The following PCARE variants were observed in gnomAD, a reference collection of about 807,000 sequenced individuals.
PCARE encodes photoreceptor cilium actin regulator, also known as uncharacterized protein C2orf71.
A neutral mutation model predicts 82.2 loss-of-function variants in PCARE; 72 were observed. The observed-to-expected ratio is 0.88, with a 90% CI of 0.72 to 1.07. The LOEUF is 1.07. PCARE is among the 50% of genes least tolerant of loss of function. The pLI is 0.00. For missense variants in PCARE, 1,768 were observed against 1,592.4 expected, an observed-to-expected ratio of 1.11 and a Z score of -1.88; for synonymous variants, 705 against 634.8, an observed-to-expected ratio of 1.11 and a Z score of -1.66.
At position 29,074,232 on chromosome 2, in the gene PCARE, A is replaced by C. The variant is rs1297052773; in HGVS notation, c.30T>G (p.Leu10=). The stretch of plus-strand genomic sequence containing the variant: ...TGCCACTCTTTGCAACGCTGTTTAC[A>C]AGGTCACTGTGTGAAGGTGTACACC... MGCTPSHSD[L]VNSVAKSGIQ... The change falls in exon 1 of 2, where the codon CTT becomes CTG. Residue 10 remains leucine (L), a synonymous_variant. Transcript: ENST00000331664. 4.5e-6 allele frequency: 7 copies of C among 1,572,658 alleles called. No individual in the cohort carries two copies. The Admixed American group carries it at 1.1e-4, about 24-fold the overall frequency.
Position 29,072,071 on chromosome 2 carries a change from C to G in PCARE, c.2191G>C (p.Val731Leu). 6.2e-7 allele frequency: 1 copy of G among 1,614,218 alleles called. No homozygotes were observed. The highest frequency in any genetic ancestry group is 8.5e-7 in the Non-Finnish European group (1 of 1,180,046). The change falls in exon 1 of 2, where the codon GTC becomes CTC. Residue 731 changes from valine (V) to leucine (L), a missense_variant. Physicochemically the swap from Val to Leu is conservative, Grantham distance 32 (BLOSUM62 1). Transcript: ENST00000331664. ...CTGAAAGTTTCAATAAGCTTCTTGA[C>G]GGATGTTCTGGTGGGACAGCCTCTG... ...NVRGCPTRTSVKKLIETFSPT... is the reference protein window; with the variant it reads ...NVRGCPTRTSLKKLIETFSPT...
At position 29,073,204 on chromosome 2, in the gene PCARE, C is replaced by T; in HGVS notation, c.1058G>A (p.Gly353Asp). The change falls in exon 1 of 2, where the codon GGT (glycine) becomes GAT (aspartate). Residue 353 changes from glycine (G) to aspartate (D), a missense_variant. By Grantham distance (94) the Gly-to-Asp change is moderately conservative (BLOSUM62 -1). Coordinates refer to ENST00000331664, the MANE Select transcript of PCARE (RefSeq NM_001029883.3). ...CGACTGCACGGACTCATTGTCAGCACCAATGCCACTGTCCTCAGAGCATAA... is the reference window on the plus strand; with the variant it reads ...CGACTGCACGGACTCATTGTCAGCATCAATGCCACTGTCCTCAGAGCATAA... Reference protein sequence around the residue: ...LPLCSEDSGIGADNESVQSVD... With the variant: ...LPLCSEDSGIDADNESVQSVD... 1.2e-6 allele frequency: 2 copies of T among 1,614,174 alleles called. No homozygotes were observed. The highest frequency in any genetic ancestry group is 1.7e-6 in the Non-Finnish European group (2 of 1,180,026).
rs774201352 is a variant in PCARE, at chr2:29,071,116, G to A, written c.3146C>T (p.Ser1049Phe). ...GGGCAACTTGGGCTGGTGCGGTGGGGAAGTTCGCCGCTTTGTGGTGGGTGG... is the reference window on the plus strand; with the variant it reads ...GGGCAACTTGGGCTGGTGCGGTGGGAAAGTTCGCCGCTTTGTGGTGGGTGG... Reference protein sequence around the residue: ...LSPPTTKRRTSPPHQPKLPNP... With the variant: ...LSPPTTKRRTFPPHQPKLPNP... The change falls in exon 1 of 2, where the codon TCC becomes TTC. Residue 1049 changes from serine to phenylalanine, a missense_variant. Ser to Phe is a radical substitution (Grantham distance 155). Coordinates refer to ENST00000331664, the MANE Select transcript of PCARE (RefSeq NM_001029883.3). The A allele has an allele frequency of 1.3e-6, 2 of 1,590,346 alleles. No individual in the cohort carries two copies. The highest frequency in any genetic ancestry group is 8.6e-7 in the Non-Finnish European group (1 of 1,167,830).
At chr2:29,066,734 C>T (rs1442468027) in intron 1 of PCARE, among the ~76,000 whole-genome samples, 2 of 152,274 alleles carry the variant, frequency 1.3e-5, no homozygotes, top group Admixed American at 6.5e-5. Flanking sequence ...GGCCCCATCA[C>T]AGGTCCCTAC....
In PCARE at chr2:29,073,578, C is replaced by T. The variant is rs201024585; in HGVS notation, c.684G>A (p.Glu228=). 1 of 1,614,084 alleles carries T rather than the reference C, an allele frequency of 6.2e-7. No individual in the cohort carries two copies. The highest frequency in any genetic ancestry group is 8.5e-7 in the Non-Finnish European group (1 of 1,180,046). Residue 228 remains glutamate (E), a synonymous_variant, in exon 1 of 2, where the codon GAG becomes GAA. Transcript: ENST00000331664. ...MVSFLLLCFE[E]ISQLLGEISK... is the part of the protein sequence containing the mutation. The stretch of plus-strand genomic sequence containing the variant: ...AGATCTCCCCCAACAGCTGGCTGAT[C>T]TCCTCAAAGCACAGCAGCAAGAAGC...
chr2:29,065,619 G>A (rs1401722262), intron 1 of PCARE, among the ~76,000 whole-genome samples: 1 of 152,264 alleles, frequency 6.6e-6, no homozygotes, highest in Non-Finnish European at 1.5e-5. Context: ...GACCCCCACA[G>A]GAGCCTGAGT....
rs1667470195 is a variant in PCARE, at chr2:29,071,103, C to T, written c.3159G>A (p.Gln1053=). Residue 1053 remains glutamine (Q), a synonymous_variant, in exon 1 of 2, where the codon CAG becomes CAA. Coordinates refer to ENST00000331664, the MANE Select transcript of PCARE (RefSeq NM_001029883.3). ...TTKRRTSPPH[Q]PKLPNPPPES... is the part of the protein sequence containing the mutation. ...CGGGGGGAGGGTTGGGCAACTTGGG[C>T]TGGTGCGGTGGGGAAGTTCGCCGCT... 4 of 1,595,386 alleles carry T rather than the reference C, an allele frequency of 2.5e-6. No individual in the cohort carries two copies. Among genetic ancestry groups the T allele is most frequent in the South Asian group, 1.1e-5 (1 of 88,530 alleles).
At chr2:29,070,486 G>A in intron 1 of PCARE, 108 bp downstream of exon 1, 2 of 1,476,086 alleles carry the variant, frequency 1.4e-6, no homozygotes, top group Non-Finnish European at 9.4e-7. Flanking sequence ...CTCTTCTCTT[G>A]GAGCACAGTT....
In PCARE at chr2:29,071,413, A is replaced by G. The variant is rs755163035; in HGVS notation, c.2849T>C (p.Leu950Pro). Residue 950 changes from leucine to proline, a missense_variant, in exon 1 of 2, where the codon CTC becomes CCC. By Grantham distance (98) the Leu-to-Pro change is moderately conservative. Coordinates refer to ENST00000331664, the MANE Select transcript of PCARE (RefSeq NM_001029883.3). ...TWSQAEKATS[L>P]YRQPRKAIAW... Reference sequence around the variant, plus strand: ...GATGGCCTTCCGGGGCTGCCTGTAGAGGCTGGTGGCCTTCTCTGCCTGACT... The same window carrying G: ...GATGGCCTTCCGGGGCTGCCTGTAGGGGCTGGTGGCCTTCTCTGCCTGACT... 6.2e-7 allele frequency: 1 copy of G among 1,613,564 alleles called. No individual in the cohort carries two copies. The highest frequency in any genetic ancestry group is 8.5e-7 in the Non-Finnish European group (1 of 1,179,946).
In PCARE at chr2:29,061,831, G is replaced by A. The variant is rs1295454021; in HGVS notation, c.*3038C>T. ...TTCTTGGGTAGAAGGGAGATGGTGG[G>A]CGTGAGCAGCCCTTGTCTGAGAAGC... is the stretch of plus-strand genomic sequence containing the variant. On this transcript the variant is annotated 3_prime_UTR_variant, in exon 2 of 2. Coordinates refer to ENST00000331664, the MANE Select transcript of PCARE (RefSeq NM_001029883.3). 8 of 152,160 alleles carry A rather than the reference G, an allele frequency of 5.3e-5. No individual in the cohort carries two copies. The East Asian group carries it at 5.8e-4, about 11-fold the overall frequency. The allele number at this position is 152,160 out of a possible 1,614,324, so 9.4% of individuals were successfully genotyped here. A position where few individuals can be genotyped will look rare whatever the true frequency, so the allele number is the denominator to read the frequency against.
In PCARE at chr2:29,072,855, A is replaced by G. The variant is rs1667516900; in HGVS notation, c.1407T>C (p.Leu469=). Residue 469 remains leucine (L), a synonymous_variant, in exon 1 of 2, where the codon CTT becomes CTC. Coordinates refer to ENST00000331664, the MANE Select transcript of PCARE (RefSeq NM_001029883.3). ...CGTCCATCGGCCTGGAGGTTTTGGA[A>G]AGGTGTGGTTCCACAGAGACCCCAA... ...FGIGVSVEPH[L]SKTSRPMDAS... The G allele has an allele frequency of 1.2e-6, 2 of 1,614,084 alleles. No homozygotes were observed. Among genetic ancestry groups the G allele is most frequent in the Admixed American group, 1.7e-5 (1 of 60,020 alleles).
In PCARE at chr2:29,072,311, G is replaced by A. The variant is rs200233657; in HGVS notation, c.1951C>T (p.Pro651Ser). ...GGACTGACCCTGCAGGTGCCATTGGGCCACACGGCGGCTGCTCTGGGCTGC... is the reference window on the plus strand; with the variant it reads ...GGACTGACCCTGCAGGTGCCATTGGACCACACGGCGGCTGCTCTGGGCTGC... Reference protein sequence around the residue: ...ILQPRAAAVWPNGTCRVSPSN... With the variant: ...ILQPRAAAVWSNGTCRVSPSN... The change falls in exon 1 of 2, where the codon CCC becomes TCC. Residue 651 changes from proline (P) to serine (S), a missense_variant. Pro to Ser is a moderately conservative substitution (Grantham distance 74). Transcript: ENST00000331664. 99 of 1,614,054 alleles carry A rather than the reference G, an allele frequency of 6.1e-5. No homozygotes were observed. The African/African-American group carries it at 1.1e-3, about 18-fold the overall frequency.
intron 1 of PCARE, among the ~76,000 whole-genome samples, chr2:29,070,173 T>A (rs1388376991): frequency 6.6e-6 from 1 of 152,202 alleles, no homozygotes; most frequent in Non-Finnish European, 1.5e-5. Flanking sequence ...CATAGATATA[T>A]TTGTTTCATG....
chr2:29,063,643 T>C lies in PCARE; in HGVS notation c.*1226A>G, dbSNP rs59633688. The stretch of plus-strand genomic sequence containing the variant: ...GCTGTACCCCAGTGGGTAAGAATTC[T>C]TGTCTTTTGCCAACCCATTGAGCCG... On this transcript the variant is annotated 3_prime_UTR_variant, in exon 2 of 2. Transcript: ENST00000331664. The C allele has an allele frequency of 0.32, 48,575 of 152,572 alleles. 8,436 individuals carry two copies. The highest frequency in any genetic ancestry group is 0.51 in the East Asian group (2,620 of 5,166). 9.5% of individuals were successfully genotyped at this position (152,572 alleles called of 1,614,324 possible).
At position 29,064,771 on chromosome 2, in the gene PCARE, G is replaced by T; in HGVS notation, c.*98C>A. On this transcript the variant is annotated 3_prime_UTR_variant, in exon 2 of 2. Coordinates refer to ENST00000331664, the MANE Select transcript of PCARE (RefSeq NM_001029883.3). ...GCCTTTCCAGGACACCTCAGTAGGA[G>T]TTTGGTTTGCCCATCATCTCTGGGT... is the stretch of plus-strand genomic sequence containing the variant. 1 of 1,514,752 alleles carries T rather than the reference G, an allele frequency of 6.6e-7. No homozygotes were observed. The highest frequency in any genetic ancestry group is 9.0e-7 in the Non-Finnish European group (1 of 1,111,338). 93.8% of individuals were successfully genotyped at this position (1,514,752 alleles called of 1,614,324 possible). A position where few individuals can be genotyped will look rare whatever the true frequency, so the allele number is the denominator to read the frequency against.
chr2:29,070,393 A>G (rs1232584435), intron 1 of PCARE, among the ~76,000 whole-genome samples: 2 of 152,152 alleles, frequency 1.3e-5, no homozygotes, highest in East Asian at 1.9e-4. Context: ...GGCAGCTGGA[A>G]TGTGTAACAG....
Position 29,070,830 on chromosome 2 carries a change from G to A in PCARE, c.3432C>T (p.Thr1144=), listed in dbSNP as rs1385933420. Residue 1144 remains threonine (T), a synonymous_variant, in exon 1 of 2, where the codon ACC becomes ACT. Transcript: ENST00000331664. ...CAGCCTCTGGCGGCAGCGATGGTGG[G>A]GTCAGTGGGTGGGCTGTTGAGAGTG... is the stretch of plus-strand genomic sequence containing the variant. ...KPPLSTAHPL[T]PPSLPPEAGG... is the part of the protein sequence containing the mutation. The A allele has an allele frequency of 1.2e-6, 2 of 1,614,140 alleles. No individual in the cohort carries two copies. Among genetic ancestry groups the A allele is most frequent in the Non-Finnish European group, 1.7e-6 (2 of 1,180,040 alleles).
In PCARE at chr2:29,071,797, T is replaced by C. The variant is rs781429832; in HGVS notation, c.2465A>G (p.Glu822Gly). ...GAGGTGCTCGAGGTTCCCCTCCATT[T>C]CACAGCTGAGCTCCTCACTCTTGGC... ...EAAKSEELSCEMEGNLEHLPP... is the reference protein window; with the variant it reads ...EAAKSEELSCGMEGNLEHLPP... Residue 822 changes from glutamate to glycine, a missense_variant, in exon 1 of 2, where the codon GAA (glutamate) becomes GGA (glycine). Physicochemically the swap from Glu to Gly is moderately conservative, Grantham distance 98. Transcript: ENST00000331664. 7.4e-6 allele frequency: 12 copies of C among 1,613,744 alleles called. No individual in the cohort carries two copies. The African/African-American group carries it at 1.6e-4, about 22-fold the overall frequency.
Position 29,070,732 on chromosome 2 carries a change from C to A in PCARE, c.3530G>T (p.Arg1177Leu), listed in dbSNP as rs375826049. The A allele has an allele frequency of 2.5e-6, 4 of 1,613,994 alleles. No individual in the cohort carries two copies. The African/African-American group carries it at 5.3e-5, about 22-fold the overall frequency. Residue 1177 changes from arginine (R) to leucine (L), a missense_variant, in exon 1 of 2, where the codon CGG becomes CTG. Coordinates refer to ENST00000331664, the MANE Select transcript of PCARE (RefSeq NM_001029883.3). ...SGPWLRADSQ[R>L]RAALCALNPL... ...GTTGAGGGCACACAGAGCTGCTCTC[C>A]GCTGCGAGTCTGCTCTCAGCCAAGG...
Sources: gnomAD v4.1 joint callset for allele counts (sites outside exome capture counted in the v4.1 genomes callset) on GRCh38, gnomAD v4.1.1 for gene constraint, MANE v1.5 for transcripts, NCBI Gene and HGNC (gene_info 2026-07-23, HGNC 2026-07-21) for gene names.